The following GTF2A2 variants were observed in gnomAD, a reference collection of about 807,000 sequenced individuals.
The protein encoded by GTF2A2 is transcription initiation factor IIA subunit 2.
GTF2A2 carries 9 observed loss-of-function variants against 14.3 expected under a neutral mutation model. The observed-to-expected ratio is 0.63, with a 90% CI of 0.38 to 1.10. The LOEUF is 1.10. GTF2A2 is among the 50% of genes least tolerant of loss of function. GTF2A2 has a pLI of 0.01. For synonymous variants in GTF2A2, 56 were observed against 46.0 expected (o/e 1.22, Z -0.88); for missense variants, 90 against 124.6 (o/e 0.72, Z 1.32).
chr15:59,652,143 A>G lies in GTF2A2; in HGVS notation c.72+63T>C, dbSNP rs1226467909. On this transcript the variant is annotated intron_variant, in intron 2 of 4. Transcript: ENST00000396060. ...CCTCATATCTCTTTGCCTAAGTGAT[A>G]TGACAAGAATTACTGTAAACCCATC... The G allele has an allele frequency of 1.3e-5, 12 of 908,910 alleles. No homozygotes were observed. The African/African-American group carries it at 1.8e-4, about 14-fold the overall frequency. 56.3% of individuals were successfully genotyped at this position (908,910 alleles called of 1,614,324 possible).
intron 1 of GTF2A2, among the ~76,000 whole-genome samples, chr15:59,654,676 G>A (rs1292907839): frequency 6.6e-6 from 1 of 152,186 alleles, no homozygotes; most frequent in Non-Finnish European, 1.5e-5. Context: ...GTATGTTAAA[G>A]TGCTAATATA....
Position 59,639,058 on chromosome 15 carries a change from A to T in GTF2A2, c.*74T>A, listed in dbSNP as rs866809030. On this transcript the variant is annotated 3_prime_UTR_variant, in exon 5 of 5. Coordinates refer to ENST00000396060, the MANE Select transcript of GTF2A2 (RefSeq NM_004492.3). Reference sequence around the variant, plus strand: ...ATTTCTGCAATTCTAGAATAAATAAAAAGTCTCTTCTATGCTTCTCTTCAA... The same window carrying T: ...ATTTCTGCAATTCTAGAATAAATAATAAGTCTCTTCTATGCTTCTCTTCAA... 1.1e-6 allele frequency: 1 copy of T among 871,836 alleles called. No individual in the cohort carries two copies. Among genetic ancestry groups the T allele is most frequent in the African/African-American group, 1.7e-5 (1 of 59,518 alleles). The allele number at this position is 871,836 out of a possible 1,614,324, so 54.0% of individuals were successfully genotyped here.
chr15:59,641,179 C>T (rs1245574812), intron 4 of GTF2A2, among the ~76,000 whole-genome samples: 1 of 77,786 alleles, frequency 1.3e-5, no homozygotes, highest in South Asian at 2.8e-4. Flanking sequence ...TACAGCAAGA[C>T]TCTTTTTTTT....
At chr15:59,654,270 G>A (rs2141968240) in intron 1 of GTF2A2, among the ~76,000 whole-genome samples, 2 of 152,248 alleles carry the variant, frequency 1.3e-5, no homozygotes, top group South Asian at 4.2e-4. Context: ...CTCTCACTCT[G>A]CTCTGGTCAT....
intron 1 of GTF2A2, 49 bp from the exon 2 acceptor site, chr15:59,652,375 T>C: frequency 1.5e-6 from 1 of 662,902 alleles, no homozygotes; most frequent in Non-Finnish European, 2.6e-6. Flanking sequence ...TGTAACATCA[T>C]AAATTATGTA....
intron 3 of GTF2A2, among the ~76,000 whole-genome samples, chr15:59,647,374 C>T (rs182560507): frequency 6.4e-4 from 98 of 152,314 alleles, no homozygotes; most frequent in African/African-American, 2.3e-3. Flanking sequence ...GCTGGGATTA[C>T]AGGCTTGAGC....
Position 59,639,008 on chromosome 15 carries a change from T to C in GTF2A2, c.*124A>G, listed in dbSNP as rs569205396. 142 of 661,608 alleles carry C rather than the reference T, an allele frequency of 2.1e-4. 2 individuals carry two copies. In the South Asian group the frequency reaches 2.3e-3, roughly 11 times the overall value. The allele number at this position is 661,608 out of a possible 1,614,324, so 41.0% of individuals were successfully genotyped here. ...AGTTACAAGTTTCTTTCTACTGGAATTCTCTGGTATAGCACAGTGTAGTCA... is the reference window on the plus strand; with the variant it reads ...AGTTACAAGTTTCTTTCTACTGGAACTCTCTGGTATAGCACAGTGTAGTCA... On this transcript the variant is annotated 3_prime_UTR_variant, in exon 5 of 5. Coordinates refer to ENST00000396060, the MANE Select transcript of GTF2A2 (RefSeq NM_004492.3).
intron 4 of GTF2A2, 66 bp from the exon 5 acceptor site, chr15:59,639,223 A>G: frequency 2.1e-6 from 2 of 966,502 alleles, no homozygotes; most frequent in South Asian, 2.6e-5. Flanking sequence ...ACAATTAACT[A>G]TTTTAAGACT....
Position 59,650,555 on chromosome 15 carries a change from T to A in GTF2A2, c.177+114A>T, listed in dbSNP as rs187251261. On this transcript the variant is annotated intron_variant, in intron 3 of 4. Transcript: ENST00000396060. ...GTTACTATAAAACAAGTTCCAAAAA[T>A]TGACTAAGCCACCTCTTCCTCTTAT... The A allele has an allele frequency of 8.4e-5, 49 of 586,720 alleles. No homozygotes were observed. In the East Asian group the frequency reaches 1.3e-3, roughly 16 times the overall value. The allele number at this position is 586,720 out of a possible 1,614,324, so 36.3% of individuals were successfully genotyped here. A position where few individuals can be genotyped will look rare whatever the true frequency, so the allele number is the denominator to read the frequency against.
chr15:59,656,131 C>A (rs1372899725), intron 1 of GTF2A2, among the ~76,000 whole-genome samples: 1 of 152,126 alleles, frequency 6.6e-6, no homozygotes, highest in East Asian at 1.9e-4. Flanking sequence ...ATCCGGCTAC[C>A]ATGATCTCTT....
chr15:59,645,730 G>T (rs1436861529), intron 3 of GTF2A2, among the ~76,000 whole-genome samples: 1 of 152,092 alleles, frequency 6.6e-6, no homozygotes, highest in African/African-American at 2.4e-5. Context: ...TGTAATCCAC[G>T]ATCTTAAGAG....
chr15:59,647,513 T>C (rs534082864), intron 3 of GTF2A2, among the ~76,000 whole-genome samples: 1 of 152,334 alleles, frequency 6.6e-6, no homozygotes, highest in African/African-American at 2.4e-5. Flanking sequence ...TTTGGCCAAA[T>C]TGTATCTTCA....
chr15:59,640,311 T>G (rs1891367481), intron 4 of GTF2A2: 2 of 152,170 alleles, frequency 1.3e-5, no homozygotes, highest in Admixed American at 6.5e-5. Context: ...CTCCTATCAG[T>G]AAAATACGTA....
Position 59,650,847 on chromosome 15 carries a change from TATC to T in GTF2A2, c.73-77_73-75del, listed in dbSNP as rs568110341. 618 of 813,046 alleles carry T rather than the reference TATC, an allele frequency of 7.6e-4. 4 individuals carry two copies. In the African/African-American group the frequency reaches 9.8e-3, roughly 13 times the overall value. The allele number at this position is 813,046 out of a possible 1,614,324, so 50.4% of individuals were successfully genotyped here. A position where few individuals can be genotyped will look rare whatever the true frequency, so the allele number is the denominator to read the frequency against. ...ACAAAGTAAATAAAAATATACAAAT[TATC>T]ATCTAAAATTTAACTGAGGTTAACC... On this transcript the variant is annotated intron_variant, in intron 2 of 4. Coordinates refer to ENST00000396060, the MANE Select transcript of GTF2A2 (RefSeq NM_004492.3).
At chr15:59,647,075 T>C (rs1308553068) in intron 3 of GTF2A2, among the ~76,000 whole-genome samples, 2 of 151,830 alleles carry the variant, frequency 1.3e-5, no homozygotes, top group East Asian at 3.9e-4. Context: ...ATAATTTATA[T>C]GCGTTTATAC....
chr15:59,639,719 A>C (rs1891332256), intron 4 of GTF2A2, among the ~76,000 whole-genome samples: 3 of 151,152 alleles, frequency 2.0e-5, no homozygotes, highest in African/African-American at 7.3e-5. Flanking sequence ...CGGCATCCCA[A>C]AGTGCTGGCA....
chr15:59,641,181 C>CTTTTTT (rs374075324), intron 4 of GTF2A2, among the ~76,000 whole-genome samples: 17 of 141,378 alleles, frequency 1.2e-4, no homozygotes, highest in African/African-American at 4.0e-4. Flanking sequence ...CAGCAAGACT[C>CTTTTTT]TTTTTTTTTT....
At chr15:59,643,385 A>C (rs1891497340) in intron 3 of GTF2A2, among the ~76,000 whole-genome samples, 1 of 151,134 alleles carries the variant, frequency 6.6e-6, no homozygotes, top group Non-Finnish European at 1.5e-5. Flanking sequence ...AGCCTATTTT[A>C]ATATTTAAAA....
In GTF2A2 at chr15:59,647,330, C is replaced by G. The variant is rs1261621487; in HGVS notation, c.177+3339G>C. Among the ~76,000 whole-genome samples the G allele has an allele frequency of 2.0e-5, 3 of 152,264 alleles. 1 individual carries two copies. Among genetic ancestry groups the G allele is most frequent in the Admixed American group, 6.5e-5 (1 of 15,298 alleles). On this transcript the variant is annotated intron_variant, in intron 3 of 4. Transcript: ENST00000396060. ...CGCAGACTGCTCTTGAACTCCTGCC[C>G]TCAAGTGATCCTCCCACCTTGGCCT... is the stretch of plus-strand genomic sequence containing the variant.
Sources: gnomAD v4.1 joint callset for allele counts (sites outside exome capture counted in the v4.1 genomes callset) on GRCh38, gnomAD v4.1.1 for gene constraint, MANE v1.5 for transcripts, NCBI Gene and HGNC (gene_info 2026-07-23, HGNC 2026-07-21) for gene names.